Variants in SCN9A observed in about 807,000 individuals in gnomAD.
SCN9A encodes the protein sodium channel protein type 9 subunit alpha.
Under a neutral mutation model 187.0 loss-of-function variants are expected in SCN9A, and 131 were observed. The observed-to-expected ratio is 0.70, with a 90% CI of 0.61 to 0.81. The LOEUF (loss-of-function observed/expected upper bound fraction) is 0.81, where lower values mean the gene tolerates loss of function less well. Among genes scored for constraint, SCN9A ranks in the 30% least tolerant of loss-of-function variants. The pLI is 0.00. For synonymous variants in SCN9A, 809 were observed against 808.6 expected, an observed-to-expected ratio of 1.00 and a Z score of -0.01; for missense variants, 2,252 against 2,396.6, an observed-to-expected ratio of 0.94 and a Z score of 1.26.
chr2:166,267,412 G>A (rs1354172023), intron 17 of SCN9A, among the ~76,000 whole-genome samples: 1 of 151,844 alleles, frequency 6.6e-6, no homozygotes, highest in Admixed American at 6.6e-5. Context: ...TTCCAGTTGA[G>A]CATGGTGAAT....
chr2:166,344,141 A>T (rs1284446145), intron 1 of SCN9A, among the ~76,000 whole-genome samples: 1 of 152,200 alleles, frequency 6.6e-6, no homozygotes, highest in Non-Finnish European at 1.5e-5. Flanking sequence ...AAACTAAACT[A>T]GCACAGACAA....
intron 1 of SCN9A, among the ~76,000 whole-genome samples, chr2:166,344,224 A>G (rs890211355): frequency 1.3e-5 from 2 of 152,338 alleles, no homozygotes; most frequent in East Asian, 1.9e-4. Flanking sequence ...TAAGGTTAAA[A>G]GTATATCAAA....
At chr2:166,202,750 G>T (rs1014407179) in intron 26 of SCN9A, among the ~76,000 whole-genome samples, 1 of 151,520 alleles carries the variant, frequency 6.6e-6, no homozygotes, top group Non-Finnish European at 1.5e-5. Context: ...TTGTGAATCA[G>T]ATTTTCTAAT....
intron 14 of SCN9A, 72 bp from the exon 15 acceptor site, chr2:166,278,385 G>A: frequency 1.6e-6 from 2 of 1,262,814 alleles, no homozygotes; most frequent in Non-Finnish European, 2.2e-6. Context: ...AATAATCACT[G>A]TTTGCTTAGC....
At chr2:166,209,919 A>G (rs1447409678) in intron 24 of SCN9A, among the ~76,000 whole-genome samples, 1 of 152,154 alleles carries the variant, frequency 6.6e-6, no homozygotes, top group Non-Finnish European at 1.5e-5. Context: ...AGGATCTAGA[A>G]CTAGAAATAC....
intron 24 of SCN9A, among the ~76,000 whole-genome samples, chr2:166,223,624 C>T (rs1694720069): frequency 6.6e-6 from 1 of 152,130 alleles, no homozygotes; most frequent in Non-Finnish European, 1.5e-5. Flanking sequence ...TTCAATTATG[C>T]AAGATGAATA....
chr2:166,200,083 C>T (rs1325101998), intron 26 of SCN9A, among the ~76,000 whole-genome samples: 1 of 136,890 alleles, frequency 7.3e-6, no homozygotes, highest in Non-Finnish European at 1.5e-5. Context: ...CTGCAAGCTC[C>T]GCCTCCCGGG....
intron 24 of SCN9A, among the ~76,000 whole-genome samples, chr2:166,220,423 A>C (rs1694532144): frequency 6.6e-6 from 1 of 152,156 alleles, no homozygotes; most frequent in Non-Finnish European, 1.5e-5. Flanking sequence ...GATTGAGTTC[A>C]TTATAAACAG....
chr2:166,226,514 G>T, intron 24 of SCN9A, 53 bp downstream of exon 24: 5 of 1,228,558 alleles, frequency 4.1e-6, no homozygotes, highest in South Asian at 1.8e-5. Flanking sequence ...ATCTTTTTTG[G>T]AAAATAATTG....
chr2:166,331,350 T>C (rs1287287349), intron 1 of SCN9A, among the ~76,000 whole-genome samples: 1 of 152,196 alleles, frequency 6.6e-6, no homozygotes, highest in Non-Finnish European at 1.5e-5. Flanking sequence ...TTTTTGGTAA[T>C]GGCATGAAAA....
At position 166,226,829 on chromosome 2, in the gene SCN9A, G is replaced by A. The variant is rs540478676; in HGVS notation, c.4261-125C>T. On this transcript the variant is annotated intron_variant, in intron 23 of 26. Coordinates refer to ENST00000642356, the MANE Select transcript of SCN9A (RefSeq NM_001365536.1). ...TAAACATAGGATTTAAGAAGCCATA[G>A]CATTGTTGAGGTTTAACATAATCAC... 1.6e-5 allele frequency: 9 copies of A among 564,872 alleles called. No homozygotes were observed. In the South Asian group the frequency reaches 3.3e-4, roughly 21 times the overall value. 35.0% of individuals were successfully genotyped at this position (564,872 alleles called of 1,614,324 possible).
chr2:166,303,959 T>C (rs1453675966), intron 6 of SCN9A: 13 of 1,401,970 alleles, frequency 9.3e-6, no homozygotes, highest in South Asian at 6.1e-5. Context: ...TAAAATTGCA[T>C]AAAGAAAGGT....
chr2:166,293,142 A>G, intron 9 of SCN9A, 89 bp downstream of exon 9: 2 of 1,200,792 alleles, frequency 1.7e-6, no homozygotes, highest in Non-Finnish European at 2.3e-6. Flanking sequence ...ATTCTCAAAT[A>G]AATAAAAAAC....
In SCN9A at chr2:166,240,564, G is replaced by A. The variant is rs1352902781; in HGVS notation, c.3627+1938C>T. 2.6e-5 allele frequency among the ~76,000 whole-genome samples: 4 copies of A among 152,160 alleles called. No individual in the cohort carries two copies. In the East Asian group the frequency reaches 7.7e-4, roughly 29 times the overall value. On this transcript the variant is annotated intron_variant, in intron 19 of 26. Transcript: ENST00000642356. ...CTCTCTGAAATTCTCAGTCACATAT[G>A]TGAGTCAGCATGGGATAAACCTCCT...
At chr2:166,341,609 C>A (rs939417862) in intron 1 of SCN9A, among the ~76,000 whole-genome samples, 1 of 152,220 alleles carries the variant, frequency 6.6e-6, no homozygotes, top group African/African-American at 2.4e-5. Flanking sequence ...CTAAGAGTTA[C>A]TGGAAACAAA....
chr2:166,353,770 A>C (rs1173623018), intron 1 of SCN9A, among the ~76,000 whole-genome samples: 1 of 152,088 alleles, frequency 6.6e-6, no homozygotes, highest in African/African-American at 2.4e-5. Flanking sequence ...AGTCCCCTAA[A>C]TGCGGATTTT....
intron 6 of SCN9A, chr2:166,304,033 G>A: frequency 6.2e-7 from 1 of 1,612,898 alleles, no homozygotes; most frequent in Non-Finnish European, 8.5e-7. Context: ...ACTCTCACCT[G>A]GAATGACTGA....
At chr2:166,333,614 A>G (rs1574936426) in intron 1 of SCN9A, among the ~76,000 whole-genome samples, 1 of 152,104 alleles carries the variant, frequency 6.6e-6, no homozygotes, top group Non-Finnish European at 1.5e-5. Context: ...AAAGAACACA[A>G]TACCATATTT....
chr2:166,339,975 C>A (rs1242221790), intron 1 of SCN9A, among the ~76,000 whole-genome samples: 1 of 152,142 alleles, frequency 6.6e-6, no homozygotes, highest in Non-Finnish European at 1.5e-5. Flanking sequence ...GGAACTATGT[C>A]TCCTATTTCA....
Sources: allele counts gnomAD v4.1 joint callset (sites outside exome capture counted in the v4.1 genomes callset), GRCh38; gene constraint gnomAD v4.1.1; transcripts MANE v1.5; gene names NCBI Gene and HGNC (gene_info 2026-07-23, HGNC 2026-07-21).